The following DPP10 variants were observed in gnomAD, a reference collection of about 807,000 sequenced individuals.
The protein encoded by DPP10 is inactive dipeptidyl peptidase 10.
In DPP10, 33 loss-of-function variants were observed where a neutral mutation model predicts 120.9. The ratio of observed to expected loss-of-function variants is 0.27; its 90% CI spans 0.21 to 0.37. The LOEUF (loss-of-function observed/expected upper bound fraction) is 0.37. DPP10 is among the 10% of genes least tolerant of loss of function. The probability of loss-of-function intolerance (pLI) is 1.00; values close to 1 mark genes in which losing one functional copy is unlikely to be tolerated. For synonymous variants in DPP10, 337 were observed against 326.1 expected (o/e 1.03, Z -0.36); for missense variants, 816 against 942.8 (o/e 0.87, Z 1.76).
chr2:115,514,435 A>G (rs535921184), intron 4 of DPP10, among the ~76,000 whole-genome samples: 54 of 151,790 alleles, frequency 3.6e-4, no homozygotes, highest in African/African-American at 1.2e-3. Context: ...CACTCTATAC[A>G]TTATTTATAT....
At chr2:114,888,034 T>C (rs868483817) in intron 1 of DPP10, among the ~76,000 whole-genome samples, 5 of 147,848 alleles carry the variant, frequency 3.4e-5, no homozygotes, top group Admixed American at 6.9e-5. Context: ...TCCCAGCTAC[T>C]GGGGAGGCTG....
At position 115,842,403 on chromosome 2, in the gene DPP10, G is replaced by C. The variant is rs770651373; in HGVS notation, c.*58G>C. On this transcript the variant is annotated 3_prime_UTR_variant, in exon 26 of 26. Transcript: ENST00000410059. ...TTGAGGCTCAATGAAACCTGACAAAGAGACTGTAATATTGTAGTTGCTCCA... is the reference window on the plus strand; with the variant it reads ...TTGAGGCTCAATGAAACCTGACAAACAGACTGTAATATTGTAGTTGCTCCA... 16 of 1,562,844 alleles carry C rather than the reference G, an allele frequency of 1.0e-5. No individual in the cohort carries two copies. Among genetic ancestry groups the C allele is most frequent in the Non-Finnish European group, 1.4e-5 (16 of 1,149,426 alleles).
intron 5 of DPP10, among the ~76,000 whole-genome samples, chr2:115,676,044 C>T (rs539157421): frequency 1.3e-4 from 20 of 152,264 alleles, no homozygotes; most frequent in South Asian, 6.2e-4. Context: ...TTCCCCCGGA[C>T]GGAGAAAGCT....
At chr2:114,828,411 T>A (rs1686757522) in intron 1 of DPP10, 1 of 152,224 alleles carries the variant, frequency 6.6e-6, no homozygotes, top group African/African-American at 2.4e-5. Context: ...CATTAATATA[T>A]ACATAAACAT....
intron 1 of DPP10, among the ~76,000 whole-genome samples, chr2:114,794,206 T>G (rs12711805): frequency 0.61 from 92,816 of 152,046 alleles, 28,740 homozygotes; most frequent in East Asian, 0.86. Context: ...TTACAGTTTT[T>G]GTCTAGATGT....
chr2:115,714,045 C>G (rs765289887), intron 7 of DPP10, among the ~76,000 whole-genome samples: 31 of 152,172 alleles, frequency 2.0e-4, no homozygotes, highest in Non-Finnish European at 4.1e-4. Flanking sequence ...GTCTAAACAT[C>G]TGCTTTTCTG....
At chr2:115,071,190 AT>A (rs1176380955) in intron 1 of DPP10, among the ~76,000 whole-genome samples, 2 of 152,034 alleles carry the variant, frequency 1.3e-5, no homozygotes, top group Non-Finnish European at 2.9e-5. Flanking sequence ...TCTCTTTTTT[AT>A]AACCTTTCTT....
At chr2:115,059,734 G>A (rs1474090924) in intron 1 of DPP10, among the ~76,000 whole-genome samples, 2 of 149,898 alleles carry the variant, frequency 1.3e-5, no homozygotes, top group South Asian at 2.1e-4. Context: ...AGCTGATGGC[G>A]GGGACGGGAA....
At chr2:114,469,369 A>G (rs1679705401) in intron 1 of DPP10, among the ~76,000 whole-genome samples, 1 of 152,216 alleles carries the variant, frequency 6.6e-6, no homozygotes, top group Non-Finnish European at 1.5e-5. Context: ...TTTATTGTCT[A>G]GGTTTTATCA....
chr2:115,385,478 C>G (rs1488494083), intron 3 of DPP10, among the ~76,000 whole-genome samples: 1 of 151,990 alleles, frequency 6.6e-6, no homozygotes, highest in African/African-American at 2.4e-5. Flanking sequence ...GCCCCAGCCT[C>G]CTGAGTAGCT....
intron 1 of DPP10, among the ~76,000 whole-genome samples, chr2:115,146,820 C>A (rs2051248920): frequency 6.6e-6 from 1 of 152,116 alleles, no homozygotes; most frequent in Non-Finnish European, 1.5e-5. Context: ...TAGCTTGCTC[C>A]TTCCCACATA....
At chr2:115,388,105 A>C (rs539905899) in intron 3 of DPP10, among the ~76,000 whole-genome samples, 71 of 152,324 alleles carry the variant, frequency 4.7e-4, no homozygotes, top group African/African-American at 1.6e-3. Flanking sequence ...AGGTCACATC[A>C]CTTTTTCATT....
At chr2:115,468,435 G>A (rs2074469324) in intron 3 of DPP10, 1 of 460,702 alleles carries the variant, frequency 2.2e-6, no homozygotes, top group African/African-American at 2.0e-5. Flanking sequence ...TAATCCCAGG[G>A]CTGGCCACTG....
chr2:114,827,879 T>G (rs1034473354), intron 1 of DPP10, among the ~76,000 whole-genome samples: 12 of 152,198 alleles, frequency 7.9e-5, no homozygotes, highest in Admixed American at 5.2e-4. Flanking sequence ...CCAGCAATAG[T>G]GTTTTCAGAT....
intron 5 of DPP10, among the ~76,000 whole-genome samples, chr2:115,541,484 C>CTG (rs1211714608): frequency 2.6e-5 from 4 of 151,102 alleles, no homozygotes; most frequent in Non-Finnish European, 5.9e-5. Context: ...GTGTGTGTAT[C>CTG]TGTGTGTGTG....
chr2:115,813,014 G>A (rs994349859), intron 19 of DPP10, among the ~76,000 whole-genome samples: 4 of 113,862 alleles, frequency 3.5e-5, no homozygotes, highest in Non-Finnish European at 4.9e-5. Context: ...TCGCTCTGTC[G>A]CCCAGGCCGG....
chr2:114,690,799 T>G (rs922693473), intron 1 of DPP10, among the ~76,000 whole-genome samples: 10 of 151,264 alleles, frequency 6.6e-5, no homozygotes, highest in Non-Finnish European at 1.3e-4. Context: ...GTTCCTTCAT[T>G]TCCTTGTTAG....
chr2:115,032,109 A>G (rs1703881277), intron 1 of DPP10, among the ~76,000 whole-genome samples: 1 of 152,220 alleles, frequency 6.6e-6, no homozygotes, highest in South Asian at 2.1e-4. Flanking sequence ...GGCTAAAAGA[A>G]AAAACAAGCA....
chr2:115,322,277 C>G (rs2062099409), intron 2 of DPP10, among the ~76,000 whole-genome samples: 1 of 151,910 alleles, frequency 6.6e-6, no homozygotes, highest in Non-Finnish European at 1.5e-5. Context: ...TATTATTCAC[C>G]ATGTATGTTC....
Sources: gnomAD v4.1 joint callset for allele counts (sites outside exome capture counted in the v4.1 genomes callset) on GRCh38, gnomAD v4.1.1 for gene constraint, MANE v1.5 for transcripts, NCBI Gene and HGNC (gene_info 2026-07-23, HGNC 2026-07-21) for gene names.